Variants in TPO observed in about 807,000 individuals in gnomAD.
TPO encodes the protein thyroid microsomal antigen.
TPO carries 78 observed loss-of-function variants against 96.9 expected under a neutral mutation model. The observed-to-expected ratio is 0.81, with a 90% CI of 0.67 to 0.97. TPO has a LOEUF of 0.97. TPO is among the 50% of genes least tolerant of loss of function. TPO has a pLI of 0.00. For synonymous variants in TPO, 547 were observed against 538.0 expected, an observed-to-expected ratio of 1.02 and a Z score of -0.23; for missense variants, 1,252 against 1,274.8, an observed-to-expected ratio of 0.98 and a Z score of 0.27.
chr2:1,468,678 T>C (rs2148644233), intron 7 of TPO, among the ~76,000 whole-genome samples: 1 of 152,340 alleles, frequency 6.6e-6, no homozygotes, highest in South Asian at 2.1e-4. Flanking sequence ...CTGATGACAA[T>C]GTGCCTGGGC....
At chr2:1,395,514 A>G (rs1469415460) in intron 1 of TPO, among the ~76,000 whole-genome samples, 1 of 152,214 alleles carries the variant, frequency 6.6e-6, no homozygotes, top group African/African-American at 2.4e-5. Flanking sequence ...TAGATTTAAG[A>G]TATAAATTTC....
chr2:1,460,339 G>T (rs1386499521), intron 7 of TPO, among the ~76,000 whole-genome samples: 1 of 152,110 alleles, frequency 6.6e-6, no homozygotes, highest in Non-Finnish European at 1.5e-5. Context: ...TGAACAGTCT[G>T]CCAAGCAGAG....
intron 14 of TPO, among the ~76,000 whole-genome samples, chr2:1,505,599 T>C (rs1332250909): frequency 6.7e-6 from 1 of 149,354 alleles, no homozygotes; most frequent in African/African-American, 2.5e-5. Context: ...TTTGTTGTTG[T>C]TGTTGTTTGT....
At chr2:1,512,096 C>A (rs1029398704) in intron 14 of TPO, among the ~76,000 whole-genome samples, 1 of 151,736 alleles carries the variant, frequency 6.6e-6, no homozygotes, top group Non-Finnish European at 1.5e-5. Context: ...TGCAGTGGCG[C>A]GATCTCAGCC....
At chr2:1,427,042 T>TA (rs1341178355) in intron 3 of TPO, among the ~76,000 whole-genome samples, 1 of 152,116 alleles carries the variant, frequency 6.6e-6, no homozygotes, top group Non-Finnish European at 1.5e-5. Flanking sequence ...TCACTTCACT[T>TA]ACCTGGATAG....
intron 7 of TPO, among the ~76,000 whole-genome samples, chr2:1,465,132 G>A (rs927317949): frequency 3.3e-5 from 5 of 151,976 alleles, no homozygotes; most frequent in East Asian, 1.9e-4. Flanking sequence ...GCCAATTATC[G>A]CAGCATCATT....
chr2:1,526,546 C>A (rs1485523030), intron 15 of TPO, among the ~76,000 whole-genome samples: 1 of 145,860 alleles, frequency 6.9e-6, no homozygotes, highest in African/African-American at 2.6e-5. Context: ...TCCTCAAATC[C>A]TCTCACTGTG....
chr2:1,528,668 G>T (rs1157588924), intron 15 of TPO, among the ~76,000 whole-genome samples: 1 of 122,562 alleles, frequency 8.2e-6, no homozygotes, highest in Non-Finnish European at 1.6e-5. Context: ...CCACCACTGT[G>T]TGCAACCTCC....
At chr2:1,459,092 A>G (rs549103994) in intron 7 of TPO, among the ~76,000 whole-genome samples, 1 of 152,064 alleles carries the variant, frequency 6.6e-6, no homozygotes, top group Admixed American at 6.5e-5. Context: ...AAGAGACAAT[A>G]TAGGTAGATT....
At chr2:1,381,467 G>T (rs554385563) in intron 1 of TPO, among the ~76,000 whole-genome samples, 79 of 152,246 alleles carry the variant, frequency 5.2e-4, no homozygotes, top group African/African-American at 1.9e-3. Flanking sequence ...ACAGCAACGA[G>T]GGGGTGGTGC....
At chr2:1,503,219 G>A (rs765963387) in intron 13 of TPO, among the ~76,000 whole-genome samples, 6 of 152,150 alleles carry the variant, frequency 3.9e-5, no homozygotes, top group Non-Finnish European at 7.4e-5. Flanking sequence ...GGCCCTCGGC[G>A]GAGGCTGCAC....
chr2:1,448,415 G>T (rs1388180345), intron 5 of TPO, among the ~76,000 whole-genome samples: 1 of 152,174 alleles, frequency 6.6e-6, no homozygotes, highest in Non-Finnish European at 1.5e-5. Flanking sequence ...CCCCGCCTGA[G>T]TCACTTCCGT....
chr2:1,532,072 A>T (rs1243472588), intron 15 of TPO, among the ~76,000 whole-genome samples: 1 of 66,770 alleles, frequency 1.5e-5, no homozygotes. Context: ...CACTGTGTGC[A>T]CCTTCCTCAA....
intron 15 of TPO, among the ~76,000 whole-genome samples, 170 bp from the exon 16 acceptor site, chr2:1,540,424 A>AAAT (rs28915675): frequency 0.51 from 77,257 of 151,816 alleles, 19,753 homozygotes; most frequent in South Asian, 0.56. Context: ...ATTTTTTCCA[A>AAAT]AATATATCAG....
intron 1 of TPO, among the ~76,000 whole-genome samples, chr2:1,376,617 A>G (rs995686754): frequency 1.1e-4 from 17 of 152,264 alleles, no homozygotes; most frequent in African/African-American, 3.8e-4. Flanking sequence ...TGGTCTGAAC[A>G]GCACCCCCAG....
intron 1 of TPO, among the ~76,000 whole-genome samples, chr2:1,398,840 C>T (rs1662124321): frequency 6.6e-6 from 1 of 152,170 alleles, no homozygotes; most frequent in East Asian, 1.9e-4. Context: ...GAAGGTTGTG[C>T]CCCCTCACCT....
At chr2:1,447,826 A>G (rs1666959178) in intron 5 of TPO, among the ~76,000 whole-genome samples, 1 of 152,206 alleles carries the variant, frequency 6.6e-6, no homozygotes. Context: ...TCATGAATCG[A>G]GTAGCCACAT....
chr2:1,532,037 G>C (rs960756265), intron 15 of TPO, among the ~76,000 whole-genome samples: 49 of 64,866 alleles, frequency 7.6e-4, no homozygotes, highest in Middle Eastern at 0.015. Context: ...TCCCCTCACT[G>C]TGTGCAACCT....
At chr2:1,472,366 C>T (rs1273976738) in intron 7 of TPO, among the ~76,000 whole-genome samples, 1 of 152,134 alleles carries the variant, frequency 6.6e-6, no homozygotes, top group Non-Finnish European at 1.5e-5. Flanking sequence ...GTGTGCTCTT[C>T]CCACGATATG....
Sources: gnomAD v4.1 joint callset for allele counts (sites outside exome capture counted in the v4.1 genomes callset) on GRCh38, gnomAD v4.1.1 for gene constraint, MANE v1.5 for transcripts, NCBI Gene and HGNC (gene_info 2026-07-23, HGNC 2026-07-21) for gene names.